The following BCLAF3 variants were observed in gnomAD, a reference collection of about 807,000 sequenced individuals.
BCLAF3 encodes transient octamer binding factor 1.
Under a neutral mutation model 51.2 loss-of-function variants are expected in BCLAF3, and 24 were observed. The observed-to-expected ratio is 0.47, with a 90% CI of 0.34 to 0.66. BCLAF3 has a LOEUF of 0.66. Ranked by LOEUF, BCLAF3 falls within the 30% of genes least tolerant of loss-of-function variation. The pLI is 0.01. For synonymous variants in BCLAF3, 152 were observed against 176.6 expected, an observed-to-expected ratio of 0.86 and a Z score of 1.10; for missense variants, 465 against 525.1, an observed-to-expected ratio of 0.89 and a Z score of 1.12.
chrX:19,919,426 A>C (rs753358026), intron 11 of BCLAF3, among the ~76,000 whole-genome samples: 1 of 112,266 alleles, frequency 8.9e-6, no homozygotes, highest in East Asian at 2.8e-4. Context: ...GGGTGTCTGT[A>C]ATCCCAGCTA....
At chrX:19,952,377 ATTC>A (rs1431492335) in intron 7 of BCLAF3, among the ~76,000 whole-genome samples, 1 of 101,176 alleles carries the variant, frequency 9.9e-6, no homozygotes, top group Non-Finnish European at 2.0e-5. Context: ...ACTTGATATA[ATTC>A]TTCTAAAACA....
chrX:19,974,707 C>T (rs1255088088), intron 1 of BCLAF3, among the ~76,000 whole-genome samples: 1 of 109,825 alleles, frequency 9.1e-6, no homozygotes, highest in Non-Finnish European at 1.9e-5. Flanking sequence ...TGGTGAAACC[C>T]CATCTCTACT....
At chrX:19,974,413 G>A (rs2072353763) in intron 1 of BCLAF3, among the ~76,000 whole-genome samples, 1 of 111,993 alleles carries the variant, frequency 8.9e-6, no homozygotes, top group Non-Finnish European at 1.9e-5. Flanking sequence ...ACTCTAGCAG[G>A]TTCCCAGGTG....
chrX:19,990,619 G>C (rs911904177), intron 1 of BCLAF3, among the ~76,000 whole-genome samples: 5 of 113,299 alleles, frequency 4.4e-5, no homozygotes, highest in Non-Finnish European at 7.5e-5. Context: ...GACGGCGGAG[G>C]ATCAGGGTCG....
chrX:19,937,077 G>A (rs903202439), intron 9 of BCLAF3, among the ~76,000 whole-genome samples: 13 of 110,193 alleles, frequency 1.2e-4, no homozygotes, highest in East Asian at 2.8e-4. Context: ...GTCTAGCCAC[G>A]TTGCCCAGGC....
rs755822989 is a variant in BCLAF3, at chrX:19,915,926, G to A, written c.*1379C>T. ...TTGGAAAACCTGACCTATAGAGATT[G>A]TACACAGTACAAGACAGGCCATCTA... On this transcript the variant is annotated 3_prime_UTR_variant, in exon 12 of 12. Coordinates refer to ENST00000379682, the MANE Select transcript of BCLAF3 (RefSeq NM_001367774.2). 7 of 111,715 alleles carry A rather than the reference G, an allele frequency of 6.3e-5. No individual in the cohort carries two copies. The highest frequency in any genetic ancestry group is 1.3e-4 in the Non-Finnish European group (7 of 53,104). The allele number at this position is 111,715 out of a possible 1,213,427, so 9.2% of individuals were successfully genotyped here.
rs766721845 is a variant in BCLAF3, at chrX:19,965,565, T to C, written c.753A>G (p.Thr251=). 2.5e-6 allele frequency: 3 copies of C among 1,195,107 alleles called. No individual in the cohort carries two copies. Among genetic ancestry groups the C allele is most frequent in the African/African-American group, 3.5e-5 (2 of 56,527 alleles). ...EHSLPPYQED[T]DQWNLGPQTY... ...TTTGGGGCCCAAGGTTCCACTGGTC[T>C]GTGTCCTCTTGGTAAGGTGGGAGGG... Residue 251 remains threonine, a synonymous_variant, in exon 4 of 12, where the codon ACA becomes ACG. Coordinates refer to ENST00000379682, the MANE Select transcript of BCLAF3 (RefSeq NM_001367774.2).
Position 19,965,479 on chromosome X carries a change from T to G in BCLAF3, c.839A>C (p.Asp280Ala). The change falls in exon 4 of 12, where the codon GAC becomes GCC. Residue 280 changes from aspartate (D) to alanine (A), a missense_variant. By Grantham distance (126) the Asp-to-Ala change is moderately radical (BLOSUM62 -2). Transcript: ENST00000379682. ...ETSSATKVSY[D>A]YRHKRPKLLD... ...GAGCTTAGGACGTTTGTGACGATAG[T>G]CATAGGATACTTTGGTTGCTGAACT... 2 of 1,211,193 alleles carry G rather than the reference T, an allele frequency of 1.7e-6. No homozygotes were observed. Among genetic ancestry groups the G allele is most frequent in the Non-Finnish European group, 2.2e-6 (2 of 895,362 alleles).
intron 8 of BCLAF3, among the ~76,000 whole-genome samples, chrX:19,942,089 A>G (rs1374528141): frequency 1.3e-5 from 1 of 79,138 alleles, no homozygotes; most frequent in East Asian, 3.6e-4. Flanking sequence ...TTGCTGGTGT[A>G]TAAGAATGCT....
intron 2 of BCLAF3, among the ~76,000 whole-genome samples, chrX:19,969,766 C>T (rs897305533): frequency 1.8e-5 from 2 of 111,562 alleles, no homozygotes; most frequent in African/African-American, 3.3e-5. Flanking sequence ...TTGTTCCAAT[C>T]TAATGATACA....
At chrX:19,982,947 CTTTTTTTTTTCTT>C (rs2072664640) in intron 1 of BCLAF3, among the ~76,000 whole-genome samples, 1 of 95,363 alleles carries the variant, frequency 1.0e-5, no homozygotes. Context: ...AAAGTGATTC[CTTTTTTTTTTCTT>C]TTTTTTTTTT....
intron 10 of BCLAF3, among the ~76,000 whole-genome samples, chrX:19,931,685 C>T (rs2070563802): frequency 8.9e-6 from 1 of 112,064 alleles, no homozygotes; most frequent in African/African-American, 3.2e-5. Flanking sequence ...GACCCAGCGT[C>T]CTCTCTCAGG....
At chrX:19,976,344 T>A (rs1347159251) in intron 1 of BCLAF3, among the ~76,000 whole-genome samples, 2 of 112,299 alleles carry the variant, frequency 1.8e-5, no homozygotes, top group Non-Finnish European at 3.8e-5. Context: ...TTTGCAAAAA[T>A]TTTAAAGTCT....
intron 4 of BCLAF3, among the ~76,000 whole-genome samples, chrX:19,964,667 G>A (rs1035387470): frequency 9.0e-6 from 1 of 111,451 alleles, no homozygotes; most frequent in Non-Finnish European, 1.9e-5. Context: ...CTGAATTTCA[G>A]GCAACAGAGA....
intron 8 of BCLAF3, among the ~76,000 whole-genome samples, chrX:19,944,171 T>C (rs1294620810): frequency 1.4e-5 from 1 of 72,820 alleles, no homozygotes; most frequent in Admixed American, 1.6e-4. Context: ...TGTGTGTCTC[T>C]GCACGTGAGA....
At chrX:19,985,499 T>C (rs760996182) in intron 1 of BCLAF3, among the ~76,000 whole-genome samples, 205 of 110,747 alleles carry the variant, frequency 1.9e-3, no homozygotes, top group Non-Finnish European at 3.2e-3. Flanking sequence ...GGCAGGGGGA[T>C]TGCTAAAGCC....
intron 1 of BCLAF3, among the ~76,000 whole-genome samples, chrX:19,982,718 T>A (rs1381522123): frequency 4.5e-5 from 5 of 110,749 alleles, no homozygotes; most frequent in African/African-American, 1.6e-4. Context: ...ACACCCTAAT[T>A]TTTGTAATAA....
intron 8 of BCLAF3, among the ~76,000 whole-genome samples, chrX:19,939,379 A>G (rs1441985930): frequency 8.9e-6 from 1 of 112,111 alleles, no homozygotes; most frequent in Non-Finnish European, 1.9e-5. Flanking sequence ...ATATCTGATG[A>G]GGGAGCTGTA....
At chrX:19,954,375 T>C (rs1242057320) in intron 5 of BCLAF3, among the ~76,000 whole-genome samples, 1 of 112,774 alleles carries the variant, frequency 8.9e-6, no homozygotes, top group Non-Finnish European at 1.9e-5. Context: ...ACATTAAAGT[T>C]CATGAAAACA....
Sources: gnomAD v4.1 joint callset for allele counts (sites outside exome capture counted in the v4.1 genomes callset) on GRCh38, gnomAD v4.1.1 for gene constraint, MANE v1.5 for transcripts, NCBI Gene and HGNC (gene_info 2026-07-23, HGNC 2026-07-21) for gene names.